CPHXL2: variants seen among roughly 807,000 people sequenced by gnomAD.
CPHXL2 encodes the protein cytoplasmic polyadenylated homeobox like 2.
At chr16:75,661,077 C>T in the CPHXL2 span, 4 of 400,676 alleles carry the variant, frequency 1.0e-5, no homozygotes, top group Non-Finnish European at 1.8e-5. Flanking sequence ...CATCAGAGCC[C>T]TCTTGGCACA....
chr16:75,664,625 C>CAAAAAAA, the CPHXL2 span, among the ~76,000 whole-genome samples: 2 of 113,052 alleles, frequency 1.8e-5, no homozygotes, highest in East Asian at 2.6e-4. Context: ...AACTCCATCT[C>CAAAAAAA]AAAAAAAAAA....
chr16:75,673,979 T>TAA, the CPHXL2 span, among the ~76,000 whole-genome samples: 1 of 90,514 alleles, frequency 1.1e-5, no homozygotes, highest in Non-Finnish European at 2.3e-5. Flanking sequence ...GATCTCGTCT[T>TAA]AAAAAAAAAA....
At chr16:75,662,539 C>A in the CPHXL2 span, among the ~76,000 whole-genome samples, 1 of 151,924 alleles carries the variant, frequency 6.6e-6, no homozygotes, top group Non-Finnish European at 1.5e-5. Flanking sequence ...TCAGTCAACT[C>A]ATTAGTGTAG....
chr16:75,676,365 C>A, the CPHXL2 span, among the ~76,000 whole-genome samples: 1 of 152,088 alleles, frequency 6.6e-6, no homozygotes, highest in East Asian at 1.9e-4. Flanking sequence ...ACTCTGTCAC[C>A]CAGGCTGGAG....
At chr16:75,673,058 G>A in the CPHXL2 span, among the ~76,000 whole-genome samples, 6 of 125,938 alleles carry the variant, frequency 4.8e-5, no homozygotes, top group Non-Finnish European at 3.2e-5. Flanking sequence ...TGGGGATGAC[G>A]GAGTAAGACC....
At chr16:75,664,573 T>G in the CPHXL2 span, among the ~76,000 whole-genome samples, 1 of 134,692 alleles carries the variant, frequency 7.4e-6, no homozygotes, top group Non-Finnish European at 1.5e-5. Flanking sequence ...TGCAGTGAGG[T>G]GAGATCGTGC....
chr16:75,672,273 C>T, the CPHXL2 span, among the ~76,000 whole-genome samples: 1 of 146,916 alleles, frequency 6.8e-6, no homozygotes, highest in African/African-American at 2.5e-5. Flanking sequence ...AGTGAGACTC[C>T]ATCTCAAAAA....
the CPHXL2 span, among the ~76,000 whole-genome samples, chr16:75,676,570 C>A: frequency 6.6e-6 from 1 of 152,198 alleles, no homozygotes; most frequent in Non-Finnish European, 1.5e-5. Context: ...TATCCTCCCA[C>A]CTCTGCCTCC....
At chr16:75,665,416 T>C in the CPHXL2 span, among the ~76,000 whole-genome samples, 1 of 152,210 alleles carries the variant, frequency 6.6e-6, no homozygotes, top group South Asian at 2.1e-4. Flanking sequence ...GATATAGTCT[T>C]TCAGACAAAC....
At chr16:75,666,735 C>T in the CPHXL2 span, among the ~76,000 whole-genome samples, 1 of 151,684 alleles carries the variant, frequency 6.6e-6, no homozygotes, top group East Asian at 1.9e-4. Flanking sequence ...ATGGACTTCA[C>T]AGATATTTGC....
chr16:75,665,410 T>C, the CPHXL2 span, among the ~76,000 whole-genome samples: 3 of 152,234 alleles, frequency 2.0e-5, no homozygotes, highest in Non-Finnish European at 2.9e-5. Flanking sequence ...AGAAAAGATA[T>C]AGTCTTTCAG....
the CPHXL2 span, among the ~76,000 whole-genome samples, chr16:75,670,974 G>A: frequency 2.6e-4 from 40 of 151,934 alleles, no homozygotes; most frequent in Admixed American, 1.3e-3. Context: ...TCTCTTCCTG[G>A]GAAGGTCTCC....
At chr16:75,660,309 C>A in the CPHXL2 span, 20 of 398,364 alleles carry the variant, frequency 5.0e-5, no homozygotes, top group East Asian at 1.4e-4. Flanking sequence ...CCCGTGTAGA[C>A]CCCTCAACCT....
At chr16:75,668,375 C>T in the CPHXL2 span, among the ~76,000 whole-genome samples, 638 of 151,910 alleles carry the variant, frequency 4.2e-3, 13 homozygotes, top group Non-Finnish European at 1.6e-3. Flanking sequence ...ATTACAGGCA[C>T]GCACCACCAC....
chr16:75,674,324 G>C, the CPHXL2 span, among the ~76,000 whole-genome samples: 166 of 125,988 alleles, frequency 1.3e-3, no homozygotes, highest in African/African-American at 5.0e-3. Context: ...AGTGAGCCGA[G>C]ATCGCACCAC....
the CPHXL2 span, chr16:75,660,720 C>T: frequency 2.5e-6 from 1 of 398,540 alleles, no homozygotes; most frequent in East Asian, 3.6e-5. Context: ...TGCATGCTGG[C>T]TTTCCCTGGT....
chr16:75,674,265 C>T, the CPHXL2 span, among the ~76,000 whole-genome samples: 10,170 of 146,544 alleles, frequency 0.069, 474 homozygotes, highest in African/African-American at 0.13. Context: ...CCCAGCTACT[C>T]GGGAGGCTGA....
the CPHXL2 span, among the ~76,000 whole-genome samples, chr16:75,663,343 A>G: frequency 1.3e-5 from 2 of 152,200 alleles, no homozygotes; most frequent in South Asian, 4.1e-4. Flanking sequence ...ATTTTAGAGA[A>G]AACTGAGGTG....
At chr16:75,667,638 C>G in the CPHXL2 span, among the ~76,000 whole-genome samples, 2 of 152,212 alleles carry the variant, frequency 1.3e-5, no homozygotes, top group Admixed American at 6.5e-5. Flanking sequence ...AAAGCCCTTA[C>G]CACTCTGCTA....
Sources: allele counts gnomAD v4.1 joint callset (sites outside exome capture counted in the v4.1 genomes callset), GRCh38; gene constraint gnomAD v4.1.1; transcripts MANE v1.5; gene names NCBI Gene and HGNC (gene_info 2026-07-23, HGNC 2026-07-21).